Variants in GSPT1 observed in about 807,000 individuals in gnomAD.
The protein encoded by GSPT1 is eukaryotic peptide chain release factor GTP-binding subunit ERF3A.
GSPT1 carries 20 observed loss-of-function variants against 72.5 expected under a neutral mutation model. That is an observed-to-expected ratio of 0.28 (90% confidence interval 0.19 to 0.40). The LOEUF (loss-of-function observed/expected upper bound fraction) is 0.40, where lower values mean the gene tolerates loss of function less well. Ranked by LOEUF, GSPT1 falls within the 10% of genes least tolerant of loss-of-function variation. The pLI is 1.00. For missense variants in GSPT1, 580 were observed against 811.9 expected (o/e 0.71, Z 3.47); for synonymous variants, 334 against 293.5 (o/e 1.14, Z -1.41).
At chr16:11,879,121 G>A (rs1235287951) in intron 11 of GSPT1, among the ~76,000 whole-genome samples, 1 of 151,112 alleles carries the variant, frequency 6.6e-6, no homozygotes, top group Non-Finnish European at 1.5e-5. Flanking sequence ...AAAAGGCCGG[G>A]CACAGTGGCT....
chr16:11,870,987 GGAAGT>G lies in GSPT1; in HGVS notation c.*2127_*2131del, dbSNP rs1251934024. On this transcript the variant is annotated 3_prime_UTR_variant, in exon 15 of 15. Transcript: ENST00000434724. ...ATTTAGAAAGGGAACTCTTATCTCT[GGAAGT>G]GATTTCCGTGGCTCTTGAACTTTTA... 2 of 152,120 alleles carry G rather than the reference GGAAGT, an allele frequency of 1.3e-5. No individual in the cohort carries two copies. The highest frequency in any genetic ancestry group is 4.8e-5 in the African/African-American group (2 of 41,420). The allele number at this position is 152,120 out of a possible 1,614,324, so 9.4% of individuals were successfully genotyped here.
chr16:11,886,721 A>G, intron 8 of GSPT1, 56 bp downstream of exon 8: 1 of 1,573,652 alleles, frequency 6.4e-7, no homozygotes. Context: ...AAAGTCGTAC[A>G]ATAACAAAAC....
chr16:11,902,869 G>A (rs2054432506), intron 1 of GSPT1, among the ~76,000 whole-genome samples: 1 of 151,940 alleles, frequency 6.6e-6, no homozygotes. Context: ...TTACAGTCAT[G>A]AGCCACCACA....
At chr16:11,894,155 C>CAAAAAAAAAAAAAAAAAAAAAA (rs57226427) in intron 5 of GSPT1, among the ~76,000 whole-genome samples, 2 of 42,662 alleles carry the variant, frequency 4.7e-5, no homozygotes, top group African/African-American at 1.8e-4. Flanking sequence ...GACCCTATCT[C>CAAAAAAAAAAAAAAAAAAAAAA]AAAAAAAAAA....
chr16:11,909,802 G>A (rs1264159656), intron 1 of GSPT1, among the ~76,000 whole-genome samples: 1 of 152,126 alleles, frequency 6.6e-6, no homozygotes, highest in African/African-American at 2.4e-5. Flanking sequence ...GCGGGCACCT[G>A]TAATCTCAGC....
At position 11,897,892 on chromosome 16, in the gene GSPT1, G is replaced by A; in HGVS notation, c.395-11C>T. The A allele has an allele frequency of 2.0e-6, 3 of 1,525,136 alleles. No homozygotes were observed. Among genetic ancestry groups the A allele is most frequent in the Non-Finnish European group, 2.7e-6 (3 of 1,118,766 alleles). The allele number at this position is 1,525,136 out of a possible 1,614,324, so 94.5% of individuals were successfully genotyped here. A position where few individuals can be genotyped will look rare whatever the true frequency, so the allele number is the denominator to read the frequency against. On this transcript the variant is annotated splice_polypyrimidine_tract_variant and intron_variant, in intron 2 of 14. Transcript: ENST00000434724. Reference sequence around the variant, plus strand: ...CAGCTGAATTTGAACCTAGACAAGAGATTGAAATATAATATATATTTACCA... The same window carrying A: ...CAGCTGAATTTGAACCTAGACAAGAAATTGAAATATAATATATATTTACCA...
chr16:11,870,098 T>C lies in GSPT1; in HGVS notation c.*3021A>G, dbSNP rs2141265826. ...ACTTTTGACATTCGGTTATCACATA[T>C]TTCAAAGATTTTCAACTCACAAAAA... On this transcript the variant is annotated 3_prime_UTR_variant, in exon 15 of 15. Transcript: ENST00000434724. 1 of 140,294 alleles carries C rather than the reference T, an allele frequency of 7.1e-6. No individual in the cohort carries two copies. Among genetic ancestry groups the C allele is most frequent in the Non-Finnish European group, 1.6e-5 (1 of 61,326 alleles). 8.7% of individuals were successfully genotyped at this position (140,294 alleles called of 1,614,324 possible).
At chr16:11,875,613 A>T in intron 14 of GSPT1, 148 bp downstream of exon 14, 1 of 570,222 alleles carries the variant, frequency 1.8e-6, no homozygotes. Context: ...TGTTCAATAC[A>T]TTCAACTCAT....
At chr16:11,889,333 T>C (rs2054225499) in intron 6 of GSPT1, among the ~76,000 whole-genome samples, 1 of 124,428 alleles carries the variant, frequency 8.0e-6, no homozygotes, top group East Asian at 2.3e-4. Flanking sequence ...CTTCTTCTTT[T>C]TTTTTTTTTT....
intron 6 of GSPT1, among the ~76,000 whole-genome samples, chr16:11,888,693 C>T (rs546405256): frequency 4.6e-5 from 7 of 151,394 alleles, no homozygotes; most frequent in South Asian, 2.1e-4. Flanking sequence ...ACCCAGGAGG[C>T]GGAGGTTGCA....
intron 1 of GSPT1, among the ~76,000 whole-genome samples, chr16:11,909,401 C>T (rs2054529523): frequency 6.6e-6 from 1 of 152,202 alleles, no homozygotes; most frequent in Non-Finnish European, 1.5e-5. Flanking sequence ...TAAAAACTGT[C>T]AGTTTTCTTG....
At chr16:11,898,323 T>C (rs1404288068) in intron 1 of GSPT1, among the ~76,000 whole-genome samples, 3 of 152,182 alleles carry the variant, frequency 2.0e-5, no homozygotes, top group Non-Finnish European at 2.9e-5. Flanking sequence ...TCTTCACAGA[T>C]ACTGTCAAAG....
chr16:11,899,829 G>C (rs377599227), intron 1 of GSPT1, among the ~76,000 whole-genome samples: 1 of 152,110 alleles, frequency 6.6e-6, no homozygotes, highest in Non-Finnish European at 1.5e-5. Context: ...CTGACTCCTA[G>C]GTTTAACTCC....
intron 6 of GSPT1, among the ~76,000 whole-genome samples, chr16:11,889,941 C>G (rs1286599450): frequency 1.3e-5 from 2 of 149,386 alleles, no homozygotes; most frequent in African/African-American, 4.9e-5. Context: ...GCGCCTGGCC[C>G]AATAAAAGTT....
rs758097487 is a variant in GSPT1, at chr16:11,883,016, T to C, written c.1427A>G (p.Lys476Arg). The C allele has an allele frequency of 1.3e-6, 2 of 1,585,546 alleles. No homozygotes were observed. Among genetic ancestry groups the C allele is most frequent in the Non-Finnish European group, 1.7e-6 (2 of 1,154,030 alleles). Residue 476 changes from lysine to arginine, a missense_variant and splice_region_variant, in exon 11 of 15, where the codon AAG (lysine) becomes AGG (arginine). Transcript: ENST00000434724. ...KGQQLVMMPN[K>R]HNVEVLGILS... ...GGAAACAGCATAACCGATTCTTACC[T>C]TGTTTGGCATCATCACAAGCTGCTG...
intron 5 of GSPT1, among the ~76,000 whole-genome samples, chr16:11,892,090 T>C (rs1354086875): frequency 1.3e-5 from 2 of 151,312 alleles, no homozygotes; most frequent in Non-Finnish European, 2.9e-5. Context: ...ATGCCCGTAA[T>C]CCCAGCACTT....
intron 11 of GSPT1, chr16:11,880,328 A>G (rs1440226526): frequency 6.6e-6 from 1 of 152,214 alleles, no homozygotes; most frequent in Admixed American, 6.5e-5. Context: ...TCTTTTGGGT[A>G]TATACTCAGA....
intron 1 of GSPT1, among the ~76,000 whole-genome samples, chr16:11,903,286 G>A (rs1223306811): frequency 3.9e-5 from 6 of 151,988 alleles, no homozygotes; most frequent in Admixed American, 3.9e-4. Context: ...TGAGGCAGAC[G>A]GACCACATGA....
At chr16:11,875,212 AGGAAAGGGAAAG>A (rs137923362) in intron 14 of GSPT1, among the ~76,000 whole-genome samples, 4 of 151,612 alleles carry the variant, frequency 2.6e-5, no homozygotes, top group Admixed American at 6.6e-5. Context: ...GAAAGGGAAG[AGGAAAGGGAAAG>A]GGAAAGGGAA....
Sources: allele counts gnomAD v4.1 joint callset (sites outside exome capture counted in the v4.1 genomes callset), GRCh38; gene constraint gnomAD v4.1.1; transcripts MANE v1.5; gene names NCBI Gene and HGNC (gene_info 2026-07-23, HGNC 2026-07-21).